The following TMEM14B variants were observed in gnomAD, a reference collection of about 807,000 sequenced individuals.
The protein encoded by TMEM14B is transmembrane protein 14B.
A neutral mutation model predicts 14.8 loss-of-function variants in TMEM14B; 9 were observed. The observed-to-expected ratio is 0.61, with a 90% CI of 0.37 to 1.06. TMEM14B has a LOEUF of 1.06. Ranked by LOEUF, TMEM14B falls within the 50% of genes least tolerant of loss-of-function variation. The pLI, the probability that TMEM14B is intolerant of heterozygous loss-of-function variation, is 0.01. For synonymous variants in TMEM14B, 40 were observed against 51.3 expected, an observed-to-expected ratio of 0.78 and a Z score of 0.94; for missense variants, 128 against 143.6, an observed-to-expected ratio of 0.89 and a Z score of 0.56.
At chr6:10,758,098 GTCCTAGTTTTCCA>G (rs1160526823), downstream of TMEM14B, among the ~76,000 whole-genome samples, 1 of 152,110 alleles carries the variant, frequency 6.6e-6, no homozygotes, top group Non-Finnish European at 1.5e-5. Context: ...CTGGATGGTG[GTCCTAGTTTTCCA>G]TCCTTTTTTA....
intron 5 of TMEM14B, chr6:10,755,955 C>CA (rs34267767): frequency 0.16 from 20,114 of 128,234 alleles, 4,158 homozygotes; most frequent in African/African-American, 0.47. Context: ...GAGTCTGTCT[C>CA]AAAAAAAAAA....
chr6:10,758,059 T>A (rs1261043160), downstream of TMEM14B, among the ~76,000 whole-genome samples: 6 of 152,166 alleles, frequency 3.9e-5, no homozygotes, highest in African/African-American at 1.4e-4. Flanking sequence ...AGAGTATAAT[T>A]CAGACACTTT....
chr6:10,756,480 GC>G lies in TMEM14B; in HGVS notation c.309del (p.Val105LeufsTer6). On this transcript the variant is annotated frameshift_variant, in exon 6 of 6. Coordinates refer to ENST00000379542, the MANE Select transcript of TMEM14B (RefSeq NM_030969.5). LOFTEE classifies it high-confidence loss of function. ...TGTTTTAAACAGTTTGCTGATGGCC[GC>G]CAAAGTTGGAGTTCGTATGTTGATG... ...LIAGASLLMA[A>X]KVGVRMLMTS... The G allele has an allele frequency of 6.2e-7, 1 of 1,613,706 alleles. No individual in the cohort carries two copies. The highest frequency in any genetic ancestry group is 1.1e-5 in the South Asian group (1 of 91,032).
intron 1 of TMEM14B, 106 bp from the exon 2 acceptor site, chr6:10,749,096 A>C: frequency 1.4e-6 from 1 of 704,988 alleles, no homozygotes; most frequent in East Asian, 2.5e-5. Context: ...GGTACAGTGA[A>C]GGATACTGAG....
chr6:10,749,215 G>A lies in TMEM14B; in HGVS notation c.-31G>A. The A allele has an allele frequency of 6.2e-7, 1 of 1,613,832 alleles. No individual in the cohort carries two copies. The highest frequency in any genetic ancestry group is 8.5e-7 in the Non-Finnish European group (1 of 1,179,770). ...TGTTTTCCCCAGATGCAGGCCTGGG[G>A]TAGTCTCCTTTCTGGACTGAGAAGA... On this transcript the variant is annotated 5_prime_UTR_variant, in exon 2 of 6. Coordinates refer to ENST00000379542, the MANE Select transcript of TMEM14B (RefSeq NM_030969.5).
At position 10,755,586 on chromosome 6, in the gene TMEM14B, C is replaced by G. The variant is rs1300170911; in HGVS notation, c.293+354C>G. ...TAGGTGTCTTTTGTAGAAAATTTTG[C>G]TAAAAGGAAATTTTGATTGAATCCT... On this transcript the variant is annotated intron_variant, in intron 5 of 5. Transcript: ENST00000379542. 4.8e-6 allele frequency: 6 copies of G among 1,257,666 alleles called. No individual in the cohort carries two copies. The Admixed American group carries it at 1.9e-4, about 40-fold the overall frequency. The allele number at this position is 1,257,666 out of a possible 1,614,324, so 77.9% of individuals were successfully genotyped here.
intron 4 of TMEM14B, 116 bp from the exon 5 acceptor site, chr6:10,755,026 G>T: frequency 2.8e-6 from 3 of 1,089,744 alleles, no homozygotes; most frequent in South Asian, 3.1e-5. Context: ...CTTGGGGAAG[G>T]AGGAATAAGC....
chr6:10,759,670 T>A (rs1262324458), downstream of TMEM14B: 1 of 152,224 alleles, frequency 6.6e-6, no homozygotes, highest in East Asian at 1.9e-4. Context: ...TCTCAGGCCA[T>A]CTGTGTCCCA....
downstream of TMEM14B, among the ~76,000 whole-genome samples, chr6:10,758,611 G>GTGGTATAGAAAT (rs1204534946): frequency 4.2e-3 from 644 of 152,262 alleles, 4 homozygotes; most frequent in African/African-American, 0.014. Context: ...CTAAACAAAG[G>GTGGTATAGAAAT]CAGTATAGAA....
rs780805530 is a variant in TMEM14B, at chr6:10,751,225, G to C, written c.193G>C (p.Gly65Arg). The change falls in exon 4 of 6, where the codon GGT becomes CGT. Residue 65 changes from glycine (G) to arginine (R), a missense_variant. Gly to Arg is a moderately radical substitution (Grantham distance 125). Transcript: ENST00000379542. Reference sequence around the variant, plus strand: ...GTATCAGGATCCAAGGAACGTTTGGGGTTTCCTAGGTATGTCTGCTTCAGC... The same window carrying C: ...GTATCAGGATCCAAGGAACGTTTGGCGTTTCCTAGGTATGTCTGCTTCAGC... ...QLYQDPRNVW[G>R]FLAATSVTFV... is the part of the protein sequence containing the mutation. The C allele has an allele frequency of 2.0e-5, 33 of 1,613,692 alleles. 1 individual carries two copies. In the South Asian group the frequency reaches 3.6e-4, roughly 18 times the overall value.
At chr6:10,752,452 C>CTTTTTTTT (rs60849022) in intron 4 of TMEM14B, among the ~76,000 whole-genome samples, 2 of 112,508 alleles carry the variant, frequency 1.8e-5, no homozygotes, top group Non-Finnish European at 3.5e-5. Flanking sequence ...CATAAACTAC[C>CTTTTTTTT]TTTTTTTTTT....
In TMEM14B at chr6:10,756,842, C is replaced by G; in HGVS notation, c.*324C>G. On this transcript the variant is annotated 3_prime_UTR_variant, in exon 6 of 6. Coordinates refer to ENST00000379542, the MANE Select transcript of TMEM14B (RefSeq NM_030969.5). ...CATTGAGAACCCTGAAACCCCATTC[C>G]CTGCTCAGAGGAACAGTGTGAAAAA... 1 of 1,008,140 alleles carries G rather than the reference C, an allele frequency of 9.9e-7. No individual in the cohort carries two copies. Among genetic ancestry groups the G allele is most frequent in the Non-Finnish European group, 1.2e-6 (1 of 845,170 alleles). The allele number at this position is 1,008,140 out of a possible 1,614,324, so 62.4% of individuals were successfully genotyped here. A position where few individuals can be genotyped will look rare whatever the true frequency, so the allele number is the denominator to read the frequency against.
chr6:10,757,432 G>A (rs1290207444), downstream of TMEM14B, among the ~76,000 whole-genome samples: 4 of 152,060 alleles, frequency 2.6e-5, no homozygotes, highest in African/African-American at 4.8e-5. Context: ...AAGTGCTGGG[G>A]TAATGAGCAT....
chr6:10,751,253 C>T lies in TMEM14B; in HGVS notation c.202+19C>T. ...TTCCTAGGTATGTCTGCTTCAGCGT[C>T]TCCTTAGGGCAATCATGTATCTGGA... is the stretch of plus-strand genomic sequence containing the variant. On this transcript the variant is annotated intron_variant, in intron 4 of 5. Transcript: ENST00000379542. The T allele has an allele frequency of 6.2e-7, 1 of 1,612,720 alleles. No individual in the cohort carries two copies. The highest frequency in any genetic ancestry group is 8.5e-7 in the Non-Finnish European group (1 of 1,179,242).
Position 10,749,658 on chromosome 6 carries a change from A to T in TMEM14B, c.60A>T (p.Ala20=). 6.2e-7 allele frequency: 1 copy of T among 1,614,240 alleles called. No homozygotes were observed. Among genetic ancestry groups the T allele is most frequent in the Non-Finnish European group, 8.5e-7 (1 of 1,180,046 alleles). ...PLHWFGFGYT[A]LVVSGGIVGY... ...ATTGGTTTGGCTTTGGCTACACAGC[A>T]CTGGTTGTTTCTGGTGGGATCGTTG... The change falls in exon 3 of 6, where the codon GCA becomes GCT. Residue 20 remains alanine (A), a synonymous_variant. Transcript: ENST00000379542.
chr6:10,756,369 A>T, intron 5 of TMEM14B, 98 bp from the exon 6 acceptor site: 1 of 1,420,888 alleles, frequency 7.0e-7, no homozygotes, highest in Non-Finnish European at 9.7e-7. Flanking sequence ...CTCCTCCCCC[A>T]CACAGTTGTG....
chr6:10,758,889 C>T (rs115886730), downstream of TMEM14B: 683 of 194,804 alleles, frequency 3.5e-3, 2 homozygotes, highest in Non-Finnish European at 5.9e-3. Flanking sequence ...GGGTTCAACC[C>T]TTTCCTTAGA....
intron 3 of TMEM14B, among the ~76,000 whole-genome samples, chr6:10,750,594 C>T (rs1043401049): frequency 4.6e-5 from 7 of 151,968 alleles, no homozygotes; most frequent in African/African-American, 1.2e-4. Flanking sequence ...ATCAATCGGA[C>T]GAATTCCTGG....
chr6:10,757,644 A>G (rs1050092001), downstream of TMEM14B, among the ~76,000 whole-genome samples: 1 of 152,210 alleles, frequency 6.6e-6, no homozygotes, highest in Non-Finnish European at 1.5e-5. Flanking sequence ...ATGTTTCAAC[A>G]TGAAGAATTA....
Sources: gnomAD v4.1 joint callset for allele counts (sites outside exome capture counted in the v4.1 genomes callset) on GRCh38, gnomAD v4.1.1 for gene constraint, MANE v1.5 for transcripts, NCBI Gene and HGNC (gene_info 2026-07-23, HGNC 2026-07-21) for gene names.